Variants in CPS1 observed in about 807,000 individuals in gnomAD.
The protein encoded by CPS1 is carbamoyl-phosphate synthase [ammonia], mitochondrial.
Under a neutral mutation model 174.6 loss-of-function variants are expected in CPS1, and 109 were observed. The observed-to-expected ratio is 0.62, with a 90% confidence interval of 0.53 to 0.73. The LOEUF is 0.73. Among genes scored for constraint, CPS1 ranks in the 30% least tolerant of loss-of-function variants. CPS1 has a pLI of 0.00. For missense variants in CPS1, 1,689 were observed against 1,821.9 expected (o/e 0.93, Z 1.33); for synonymous variants, 637 against 632.0 (o/e 1.01, Z -0.12).
intron 1 of CPS1, among the ~76,000 whole-genome samples, chr2:210,542,250 G>A (rs1696452087): frequency 6.6e-6 from 1 of 152,084 alleles, no homozygotes; most frequent in Non-Finnish European, 1.5e-5. Flanking sequence ...AGAAAACCAT[G>A]TGCATGGACA....
At chr2:210,608,203 G>A (rs146438788) in intron 18 of CPS1, among the ~76,000 whole-genome samples, 158 bp from the exon 19 acceptor site, 2 of 151,792 alleles carry the variant, frequency 1.3e-5, no homozygotes, top group African/African-American at 2.4e-5. Flanking sequence ...CTATTATTCC[G>A]CAAGTGGCTA....
intron 1 of CPS1, among the ~76,000 whole-genome samples, chr2:210,547,697 A>G (rs142054433): frequency 1.3e-5 from 2 of 152,238 alleles, no homozygotes; most frequent in African/African-American, 4.8e-5. Context: ...ATATGGATAG[A>G]AAAGTAAAAG....
intron 1 of CPS1, among the ~76,000 whole-genome samples, chr2:210,540,236 T>C (rs1696362478): frequency 6.6e-6 from 1 of 152,190 alleles, no homozygotes; most frequent in Admixed American, 6.5e-5. Context: ...AAATATTAAC[T>C]TTTTCTTTCT....
At position 210,595,557 on chromosome 2, in the gene CPS1, G is replaced by T; in HGVS notation, c.1334G>T (p.Gly445Val). 1 of 1,611,112 alleles carries T rather than the reference G, an allele frequency of 6.2e-7. No homozygotes were observed. Among genetic ancestry groups the T allele is most frequent in the Non-Finnish European group, 8.5e-7 (1 of 1,178,084 alleles). ...CAGGCTGGAGAATTTGATTACTCAG[G>T]ATCTCAAGCTGTAAAAGCCATGAAG... ...IGQAGEFDYS[G>V]SQAVKAMKEE... The change falls in exon 13 of 38, where the codon GGA becomes GTA. Residue 445 changes from glycine to valine, a missense_variant. By Grantham distance (109) the Gly-to-Val change is moderately radical. Transcript: ENST00000233072.
At chr2:210,524,607 G>A (rs945182113) in intron 1 of CPS1, among the ~76,000 whole-genome samples, 5 of 151,916 alleles carry the variant, frequency 3.3e-5, no homozygotes, top group African/African-American at 1.2e-4. Flanking sequence ...TTTGATTGGA[G>A]TCTTAGTGGG....
At chr2:210,505,796 A>T (rs1695264742) in intron 1 of CPS1, among the ~76,000 whole-genome samples, 1 of 152,204 alleles carries the variant, frequency 6.6e-6, no homozygotes, top group African/African-American at 2.4e-5. Context: ...CATTGCTAAT[A>T]CAGCAGTCTG....
intron 6 of CPS1, among the ~76,000 whole-genome samples, 196 bp downstream of exon 6, chr2:210,582,905 T>A (rs897782227): frequency 3.3e-5 from 5 of 152,142 alleles, no homozygotes; most frequent in African/African-American, 9.7e-5. Flanking sequence ...CAGGCTTACA[T>A]GGGAAACTTC....
intron 1 of CPS1, among the ~76,000 whole-genome samples, chr2:210,478,056 T>C (rs891261189): frequency 5.3e-5 from 8 of 152,224 alleles, no homozygotes; most frequent in Admixed American, 4.6e-4. Context: ...ATAATATTCT[T>C]GGAACATGTG....
chr2:210,654,643 G>A lies in CPS1; in HGVS notation c.3558+541G>A, dbSNP rs76663153. Reference sequence around the variant, plus strand: ...TCCAACTTCAAGGAGAAATGAAAATGTGAAGAATATTTTACTTTAGTTTTA... The same window carrying A: ...TCCAACTTCAAGGAGAAATGAAAATATGAAGAATATTTTACTTTAGTTTTA... On this transcript the variant is annotated intron_variant, in intron 29 of 37. Transcript: ENST00000233072. Among the ~76,000 whole-genome samples, 244 of 152,264 alleles carry A rather than the reference G, an allele frequency of 1.6e-3. 6 individuals carry two copies. In the East Asian group the frequency reaches 0.043, roughly 27 times the overall value.
At chr2:210,536,216 G>A (rs1032824293) in intron 1 of CPS1, among the ~76,000 whole-genome samples, 1 of 151,498 alleles carries the variant, frequency 6.6e-6, no homozygotes, top group African/African-American at 2.4e-5. Flanking sequence ...CTGCATACAA[G>A]TTTTAACTTG....
intron 9 of CPS1, 41 bp from the exon 10 acceptor site, chr2:210,591,790 A>G (rs748266393): frequency 3.1e-6 from 5 of 1,601,436 alleles, no homozygotes; most frequent in Non-Finnish European, 4.3e-6. Flanking sequence ...TATTCTCTTC[A>G]CTTTTCCTTT....
intron 1 of CPS1, among the ~76,000 whole-genome samples, chr2:210,551,451 T>C (rs1306729416): frequency 6.6e-6 from 1 of 151,808 alleles, no homozygotes; most frequent in Non-Finnish European, 1.5e-5. Context: ...GGTCTGGGAG[T>C]AGTGTCTTTT....
At chr2:210,661,995 T>G (rs979394734) in intron 32 of CPS1, among the ~76,000 whole-genome samples, 1 of 147,486 alleles carries the variant, frequency 6.8e-6, no homozygotes, top group Non-Finnish European at 1.5e-5. Flanking sequence ...AACCTCTGCC[T>G]TCCGGGTTCA....
rs1239319357 is a variant in CPS1 at position 210,606,959 on chromosome 2, G to A, written c.2192+18G>A. On this transcript the variant is annotated intron_variant, in intron 18 of 37. Transcript: ENST00000233072. ...GCCACTGGGTAAGACCAGAATAATT[G>A]ACCATGGGTTTGCAGATTCTTTTCA... 1 of 1,602,962 alleles carries A rather than the reference G, an allele frequency of 6.2e-7. No homozygotes were observed. The highest frequency in any genetic ancestry group is 1.7e-5 in the Admixed American group (1 of 59,732).
In CPS1 at chr2:210,660,531, C is replaced by G. The variant is rs1700883300; in HGVS notation, c.3803C>G (p.Ser1268Cys). The G allele has an allele frequency of 1.2e-6, 2 of 1,613,970 alleles. No individual in the cohort carries two copies. Among genetic ancestry groups the G allele is most frequent in the Non-Finnish European group, 1.7e-6 (2 of 1,179,984 alleles). ...LRASRSFPFVSKTLGVDFIDV... is the reference protein window; with the variant it reads ...LRASRSFPFVCKTLGVDFIDV... Reference sequence around the variant, plus strand: ...GCTTCTCGATCCTTCCCCTTTGTTTCCAAGACTCTTGGGGTTGACTTCATT... The same window carrying G: ...GCTTCTCGATCCTTCCCCTTTGTTTGCAAGACTCTTGGGGTTGACTTCATT... Residue 1268 changes from serine to cysteine, a missense_variant, in exon 32 of 38, where the codon TCC (serine) becomes TGC (cysteine). Physicochemically the swap from Ser to Cys is moderately radical, Grantham distance 112 (BLOSUM62 -1). Coordinates refer to ENST00000233072, the MANE Select transcript of CPS1 (RefSeq NM_001875.5).
rs764283056 is a variant in CPS1 at position 210,612,198 on chromosome 2, C to T, written c.2473C>T (p.Pro825Ser). 3.1e-6 allele frequency: 5 copies of T among 1,612,190 alleles called. No individual in the cohort carries two copies. In the Admixed American group the frequency reaches 5.0e-5, roughly 16 times the overall value. Reference protein sequence around the residue: ...MCHPSIEGFTPRLPMNKEWPS... With the variant: ...MCHPSIEGFTSRLPMNKEWPS... ...CCACCCATCTATAGAAGGTTTCACT[C>T]CCCGTCTCCCAATGAACAAAGAATG... The change falls in exon 20 of 38, where the codon CCC becomes TCC. Residue 825 changes from proline (P) to serine (S), a missense_variant. Pro to Ser is a moderately conservative substitution (Grantham distance 74). Coordinates refer to ENST00000233072, the MANE Select transcript of CPS1 (RefSeq NM_001875.5).
rs17774535 is a variant in CPS1 at position 210,605,472 on chromosome 2, T to C, written c.1981+226T>C. On this transcript the variant is annotated intron_variant, in intron 17 of 37. Transcript: ENST00000233072. ...TAAGGCGGATATTACACTGAGTTAA[T>C]TGAGGAAGAGCCAAAGGTAAGCAAT... Among the ~76,000 whole-genome samples, 24,274 of 151,824 alleles carry C rather than the reference T, an allele frequency of 0.16. 2,542 individuals are homozygous for C. Among genetic ancestry groups the C allele is most frequent in the Non-Finnish European group, 0.23 (15,784 of 67,838 alleles).
intron 4 of CPS1, 99 bp from the exon 5 acceptor site, chr2:210,579,615 T>G: frequency 2.3e-6 from 2 of 886,272 alleles, no homozygotes; most frequent in South Asian, 1.3e-5. Flanking sequence ...AATTATTTAC[T>G]GCTCAAGAAG....
intron 1 of CPS1, among the ~76,000 whole-genome samples, chr2:210,478,304 A>G (rs577146945): frequency 6.6e-6 from 1 of 152,298 alleles, no homozygotes; most frequent in Non-Finnish European, 1.5e-5. Flanking sequence ...CTAGTGTTCT[A>G]ATGTTTGCCA....
Sources: allele counts gnomAD v4.1 joint callset (sites outside exome capture counted in the v4.1 genomes callset), GRCh38; gene constraint gnomAD v4.1.1; transcripts MANE v1.5; gene names NCBI Gene and HGNC (gene_info 2026-07-23, HGNC 2026-07-21).